Variants in MRTFB observed in about 807,000 individuals in gnomAD.
The protein encoded by MRTFB is myocardin related transcription factor B.
In MRTFB, 29 loss-of-function variants were observed where a neutral mutation model predicts 104.2. The ratio of observed to expected loss-of-function variants is 0.28; its 90% CI spans 0.21 to 0.38. The LOEUF (loss-of-function observed/expected upper bound fraction) is 0.38. MRTFB is among the 10% of genes least tolerant of loss of function. MRTFB has a pLI of 1.00. For synonymous variants in MRTFB, 535 were observed against 519.5 expected, an observed-to-expected ratio of 1.03 and a Z score of -0.41; for missense variants, 1,270 against 1,341.6, an observed-to-expected ratio of 0.95 and a Z score of 0.83.
chr16:14,162,375 A>G (rs1003815191), intron 3 of MRTFB, among the ~76,000 whole-genome samples: 26 of 152,004 alleles, frequency 1.7e-4, no homozygotes, highest in African/African-American at 6.0e-4. Context: ...TTTTAATTAT[A>G]TGACATTACT....
chr16:14,086,969 AG>A (rs1473408667), intron 2 of MRTFB, among the ~76,000 whole-genome samples: 1 of 152,180 alleles, frequency 6.6e-6, no homozygotes, highest in Non-Finnish European at 1.5e-5. Flanking sequence ...TTAGACTGGC[AG>A]GGGAAGTAGT....
chr16:14,103,039 C>A (rs943906532), intron 2 of MRTFB, among the ~76,000 whole-genome samples: 22 of 152,316 alleles, frequency 1.4e-4, no homozygotes, highest in African/African-American at 5.3e-4. Context: ...CAATCTTATT[C>A]TTTGAGACTC....
chr16:14,222,786 A>G (rs995861268), intron 8 of MRTFB, among the ~76,000 whole-genome samples: 2 of 152,150 alleles, frequency 1.3e-5, no homozygotes, highest in African/African-American at 4.8e-5. Flanking sequence ...CAGTCAGAAT[A>G]AAAGTCAAGA....
the MRTFB span, among the ~76,000 whole-genome samples, chr16:14,033,708 G>A: frequency 6.6e-6 from 1 of 151,234 alleles, no homozygotes. Context: ...ATGGTGGCAC[G>A]CACCTGTAAT....
At chr16:14,215,300 A>G (rs2041369085) in intron 6 of MRTFB, among the ~76,000 whole-genome samples, 2 of 152,196 alleles carry the variant, frequency 1.3e-5, no homozygotes, top group South Asian at 4.1e-4. Context: ...ATAAGAAAGA[A>G]TGTCATTTTA....
At chr16:14,037,617 G>C in the MRTFB span, among the ~76,000 whole-genome samples, 1 of 152,158 alleles carries the variant, frequency 6.6e-6, no homozygotes, top group Non-Finnish European at 1.5e-5. Context: ...TGTGGTCATT[G>C]TTTCCTGGAA....
chr16:14,022,721 C>T, the MRTFB span, among the ~76,000 whole-genome samples: 2 of 149,254 alleles, frequency 1.3e-5, no homozygotes, highest in Non-Finnish European at 3.0e-5. Context: ...TCAGCACATA[C>T]ATAGAAGTCA....
intron 2 of MRTFB, among the ~76,000 whole-genome samples, chr16:14,136,105 C>G (rs1377246210): frequency 6.6e-6 from 1 of 151,980 alleles, no homozygotes; most frequent in African/African-American, 2.4e-5. Flanking sequence ...ATCCCTGTCT[C>G]TACTAAAAAT....
rs571584529 is a variant in MRTFB at position 14,109,798 on chromosome 16, G to A, written c.-64+30444G>A. ...TCATGAATGTTGCCTGTAAAGAAAT[G>A]TAGAGGCCCTGCTAAAAATTATAGA... On this transcript the variant is annotated intron_variant, in intron 2 of 16. Coordinates refer to ENST00000571589, the MANE Select transcript of MRTFB (RefSeq NM_001308142.2). 2.0e-4 allele frequency among the ~76,000 whole-genome samples: 31 copies of A among 152,322 alleles called. No individual in the cohort carries two copies. The South Asian group carries it at 2.3e-3, about 11-fold the overall frequency.
the MRTFB span, among the ~76,000 whole-genome samples, chr16:14,023,312 G>T: frequency 2.6e-5 from 4 of 152,194 alleles, no homozygotes; most frequent in Non-Finnish European, 4.4e-5. Flanking sequence ...AGGAGTAGTA[G>T]TGTGTGCCTG....
chr16:14,228,445 C>T (rs573338358), intron 8 of MRTFB, among the ~76,000 whole-genome samples: 341 of 152,040 alleles, frequency 2.2e-3, no homozygotes, highest in Non-Finnish European at 4.4e-3. Context: ...CGTGGTGGTA[C>T]GTGCCTGTAA....
intron 2 of MRTFB, among the ~76,000 whole-genome samples, chr16:14,087,433 G>A (rs1055572968): frequency 1.3e-5 from 2 of 152,170 alleles, no homozygotes; most frequent in Non-Finnish European, 2.9e-5. Flanking sequence ...GAGGGAGTCT[G>A]ACTGTATTGC....
the MRTFB span, among the ~76,000 whole-genome samples, chr16:14,025,119 G>C: frequency 1.3e-5 from 2 of 152,194 alleles, no homozygotes; most frequent in Non-Finnish European, 2.9e-5. Flanking sequence ...AAGGGTACTT[G>C]ATCACAAAAG....
intron 3 of MRTFB, chr16:14,186,742 A>G: frequency 6.9e-7 from 1 of 1,458,022 alleles, no homozygotes; most frequent in Non-Finnish European, 9.0e-7. Flanking sequence ...GCTGGGAACT[A>G]AAGGGTAATG....
intron 8 of MRTFB, 27 bp downstream of exon 8, chr16:14,219,025 A>T (rs566032990): frequency 6.5e-7 from 1 of 1,548,822 alleles, no homozygotes; most frequent in Admixed American, 2.1e-5. Flanking sequence ...TTTGACCCCT[A>T]AAGAAAGAAA....
At chr16:14,197,878 T>C (rs896539585) in intron 3 of MRTFB, among the ~76,000 whole-genome samples, 1 of 152,206 alleles carries the variant, frequency 6.6e-6, no homozygotes, top group African/African-American at 2.4e-5. Context: ...ATAAGAAATG[T>C]GATTATTGAG....
rs2043891264 is a variant in MRTFB at position 14,264,825 on chromosome 16, A to G, written c.*3381A>G. The G allele has an allele frequency of 6.6e-6, 1 of 152,170 alleles. No individual in the cohort carries two copies. Among genetic ancestry groups the G allele is most frequent in the Non-Finnish European group, 1.5e-5 (1 of 68,048 alleles). 9.4% of individuals were successfully genotyped at this position (152,170 alleles called of 1,614,324 possible). ...CTGAGTGATGGCTCAGGGGCGCACT[A>G]CCTATTTTGTCACCAGAGCTGACTC... is the stretch of plus-strand genomic sequence containing the variant. On this transcript the variant is annotated 3_prime_UTR_variant, in exon 17 of 17. Transcript: ENST00000571589.
At chr16:14,148,512 T>C (rs2038439063) in intron 3 of MRTFB, among the ~76,000 whole-genome samples, 1 of 152,234 alleles carries the variant, frequency 6.6e-6, no homozygotes, top group African/African-American at 2.4e-5. Context: ...ACAGTAAGAC[T>C]GATATGTTAA....
At chr16:14,123,875 C>T (rs1402794063) in intron 2 of MRTFB, among the ~76,000 whole-genome samples, 2 of 152,142 alleles carry the variant, frequency 1.3e-5, no homozygotes, top group Admixed American at 6.5e-5. Flanking sequence ...GCCATTTTCA[C>T]GATATTGATT....
Sources: allele counts gnomAD v4.1 joint callset (sites outside exome capture counted in the v4.1 genomes callset), GRCh38; gene constraint gnomAD v4.1.1; transcripts MANE v1.5; gene names NCBI Gene and HGNC (gene_info 2026-07-23, HGNC 2026-07-21).